The following SIL1 variants were observed in gnomAD, a reference collection of about 807,000 sequenced individuals.
SIL1 encodes the protein SIL1 nucleotide exchange factor, also known as nucleotide exchange factor SIL1.
SIL1 carries 40 observed loss-of-function variants against 49.1 expected under a neutral mutation model. The ratio of observed to expected loss-of-function variants is 0.81; its 90% CI spans 0.63 to 1.06. The LOEUF is 1.06. Among genes scored for constraint, SIL1 ranks in the 50% least tolerant of loss-of-function variants. The probability of loss-of-function intolerance (pLI) is 0.00; values close to 1 mark genes in which losing one functional copy is unlikely to be tolerated. For synonymous variants in SIL1, 253 were observed against 250.8 expected (o/e 1.01, Z -0.08); for missense variants, 500 against 572.6 (o/e 0.87, Z 1.29).
At position 139,028,066 on chromosome 5, in the gene SIL1, A is replaced by G. The variant is rs551221951; in HGVS notation, c.454-1074T>C. On this transcript the variant is annotated intron_variant, in intron 5 of 9. Transcript: ENST00000394817. ...GCTAGAGGTCTCTGGATGGCTGCCA[A>G]AGCCAAGCAAAGAGGTCTGGGAAGG... 2.9e-3 allele frequency among the ~76,000 whole-genome samples: 437 copies of G among 152,280 alleles called. 3 individuals carry two copies. The highest frequency in any genetic ancestry group is 0.01 in the African/African-American group (423 of 41,566).
chr5:139,018,157 T>C (rs1232005623), intron 7 of SIL1, among the ~76,000 whole-genome samples: 1 of 152,212 alleles, frequency 6.6e-6, no homozygotes, highest in Non-Finnish European at 1.5e-5. Flanking sequence ...TACATTTACA[T>C]GTACTCTCTC....
intron 1 of SIL1, among the ~76,000 whole-genome samples, chr5:139,172,626 C>T (rs897443486): frequency 8.0e-5 from 10 of 124,870 alleles, no homozygotes; most frequent in African/African-American, 1.6e-4. Flanking sequence ...CGTGAGACTC[C>T]GTCTCAAAAA....
intron 5 of SIL1, among the ~76,000 whole-genome samples, chr5:139,027,804 A>G (rs1166492380): frequency 1.3e-5 from 2 of 152,220 alleles, no homozygotes; most frequent in Admixed American, 6.5e-5. Flanking sequence ...AAGAAAAACT[A>G]AAAGGCACAG....
chr5:138,999,606 A>G (rs913206001), intron 7 of SIL1, among the ~76,000 whole-genome samples: 7 of 152,210 alleles, frequency 4.6e-5, no homozygotes, highest in Non-Finnish European at 8.8e-5. Context: ...GGGAGCTATG[A>G]CTGCGCCATT....
chr5:139,170,077 C>G (rs551281764), intron 1 of SIL1, among the ~76,000 whole-genome samples: 5 of 151,668 alleles, frequency 3.3e-5, no homozygotes, highest in East Asian at 1.9e-4. Flanking sequence ...CTGTGTTGGC[C>G]GGGCTGGTCT....
intron 1 of SIL1, among the ~76,000 whole-genome samples, chr5:139,184,029 G>A (rs1265440509): frequency 6.6e-6 from 1 of 152,178 alleles, no homozygotes; most frequent in Non-Finnish European, 1.5e-5. Flanking sequence ...AAAAGGTATT[G>A]CCCCATTGAA....
chr5:138,961,694 G>A (rs189935658), intron 7 of SIL1, among the ~76,000 whole-genome samples: 145 of 152,000 alleles, frequency 9.5e-4, no homozygotes, highest in South Asian at 6.7e-3. Context: ...ATCTCAGCTC[G>A]AACTGTGCCC....
intron 1 of SIL1, among the ~76,000 whole-genome samples, chr5:139,140,568 C>T (rs1751060007): frequency 6.6e-6 from 1 of 152,142 alleles, no homozygotes; most frequent in Non-Finnish European, 1.5e-5. Context: ...TTAAAATGTA[C>T]ACATTTACAT....
intron 7 of SIL1, among the ~76,000 whole-genome samples, chr5:138,996,857 T>G (rs892681696): frequency 4.6e-5 from 7 of 152,078 alleles, no homozygotes; most frequent in Admixed American, 4.6e-4. Flanking sequence ...TTTTGTCTAT[T>G]TTTGCTTTGG....
intron 1 of SIL1, among the ~76,000 whole-genome samples, chr5:139,137,119 C>A (rs958098496): frequency 2.0e-5 from 3 of 152,238 alleles, no homozygotes; most frequent in East Asian, 3.8e-4. Flanking sequence ...TAGTGCCACC[C>A]CTTCCCCCAG....
At chr5:139,169,464 G>A (rs984562836) in intron 1 of SIL1, among the ~76,000 whole-genome samples, 7 of 146,208 alleles carry the variant, frequency 4.8e-5, no homozygotes, top group Non-Finnish European at 7.4e-5. Flanking sequence ...ATGTGTGTGT[G>A]TATATAGATA....
intron 5 of SIL1, among the ~76,000 whole-genome samples, chr5:139,036,837 G>C (rs905542445): frequency 6.6e-6 from 1 of 152,060 alleles, no homozygotes; most frequent in African/African-American, 2.4e-5. Context: ...ATGTACCCCT[G>C]AACTTAAAAG....
At chr5:139,195,612 C>T (rs1171422878) in intron 1 of SIL1, among the ~76,000 whole-genome samples, 1 of 152,114 alleles carries the variant, frequency 6.6e-6, no homozygotes, top group Non-Finnish European at 1.5e-5. Context: ...TGGTCTCGAT[C>T]TCCTGACCTC....
At chr5:139,095,229 A>AG (rs1424343460) in intron 3 of SIL1, among the ~76,000 whole-genome samples, 1 of 149,846 alleles carries the variant, frequency 6.7e-6, no homozygotes, top group Non-Finnish European at 1.5e-5. Flanking sequence ...CACCTTCTAG[A>AG]GGGGGGAGTA....
At chr5:139,171,935 C>A (rs924159423) in intron 1 of SIL1, among the ~76,000 whole-genome samples, 4 of 151,888 alleles carry the variant, frequency 2.6e-5, no homozygotes, top group African/African-American at 9.7e-5. Context: ...ACCAAAAATT[C>A]TAGAGCTGGA....
intron 7 of SIL1, among the ~76,000 whole-genome samples, chr5:139,020,953 T>A (rs1332353528): frequency 6.6e-6 from 1 of 152,164 alleles, no homozygotes; most frequent in Non-Finnish European, 1.5e-5. Context: ...TTATTAAATG[T>A]CCATACACAT....
rs564356712 is a variant in SIL1, at chr5:138,959,377, A to G, written c.768-7493T>C. Among the ~76,000 whole-genome samples, 5 of 152,354 alleles carry G rather than the reference A, an allele frequency of 3.3e-5. No individual in the cohort carries two copies. In the East Asian group the frequency reaches 9.6e-4, roughly 29 times the overall value. ...CTGGTAATTGGCAGCCCAGTACTTG[A>G]AGACTACATCATCAAACAAGGCAGC... is the stretch of plus-strand genomic sequence containing the variant. On this transcript the variant is annotated intron_variant, in intron 7 of 9. Transcript: ENST00000394817.
intron 3 of SIL1, among the ~76,000 whole-genome samples, chr5:139,077,712 A>C (rs1021201007): frequency 6.6e-6 from 1 of 152,220 alleles, no homozygotes; most frequent in Non-Finnish European, 1.5e-5. Context: ...GCACCAAAAC[A>C]GTCACTGGAG....
chr5:139,001,756 T>C (rs1767988052), intron 7 of SIL1, among the ~76,000 whole-genome samples: 1 of 151,902 alleles, frequency 6.6e-6, no homozygotes. Flanking sequence ...AATACAAAAA[T>C]TAGCTGGGCG....
Sources: gnomAD v4.1 joint callset for allele counts (sites outside exome capture counted in the v4.1 genomes callset) on GRCh38, gnomAD v4.1.1 for gene constraint, MANE v1.5 for transcripts, NCBI Gene and HGNC (gene_info 2026-07-23, HGNC 2026-07-21) for gene names.